Variants in KCNH5 observed in about 807,000 individuals in gnomAD.
KCNH5 encodes potassium voltage-gated channel subfamily H member 5.
In KCNH5, 46 loss-of-function variants were observed where a neutral mutation model predicts 96.1. The observed-to-expected ratio is 0.48, with a 90% confidence interval of 0.38 to 0.61. The LOEUF (loss-of-function observed/expected upper bound fraction) is 0.61. Ranked by LOEUF, KCNH5 falls within the 20% of genes least tolerant of loss-of-function variation. The pLI is 0.00. For synonymous variants in KCNH5, 439 were observed against 449.8 expected (o/e 0.98, Z 0.30); for missense variants, 907 against 1,225.8 (o/e 0.74, Z 3.88).
At chr14:63,001,113 T>A (rs1891002359) in intron 4 of KCNH5, among the ~76,000 whole-genome samples, 1 of 152,156 alleles carries the variant, frequency 6.6e-6, no homozygotes, top group East Asian at 1.9e-4. Flanking sequence ...AATTTCTTAC[T>A]CATGCTATAA....
chr14:62,999,171 A>G (rs1268127615), intron 4 of KCNH5, among the ~76,000 whole-genome samples: 1 of 152,056 alleles, frequency 6.6e-6, no homozygotes. Context: ...AAGTGTTCCT[A>G]TTTCTCCACA....
intron 7 of KCNH5, among the ~76,000 whole-genome samples, chr14:62,902,471 T>C (rs1314150775): frequency 6.6e-6 from 1 of 152,138 alleles, no homozygotes; most frequent in Non-Finnish European, 1.5e-5. Context: ...ATTATAATAG[T>C]AGTTTTTCTT....
At chr14:62,734,941 C>T (rs1478504330) in intron 10 of KCNH5, among the ~76,000 whole-genome samples, 1 of 151,972 alleles carries the variant, frequency 6.6e-6, no homozygotes, top group Non-Finnish European at 1.5e-5. Flanking sequence ...TGAAAAAATT[C>T]GTATTCTGAT....
intron 7 of KCNH5, among the ~76,000 whole-genome samples, chr14:62,887,645 C>G (rs1489844185): frequency 1.3e-5 from 2 of 151,936 alleles, no homozygotes; most frequent in African/African-American, 4.8e-5. Flanking sequence ...AAGCTGGGGT[C>G]AGAATATAGC....
chr14:63,028,413 G>C (rs367911271), intron 1 of KCNH5, among the ~76,000 whole-genome samples: 13 of 152,084 alleles, frequency 8.5e-5, no homozygotes, highest in African/African-American at 3.1e-4. Flanking sequence ...GCCTGATGTT[G>C]TACATGTTAT....
chr14:62,819,198 A>G lies in KCNH5; in HGVS notation c.1570-16617T>C, dbSNP rs1362386792. 3.3e-5 allele frequency among the ~76,000 whole-genome samples: 5 copies of G among 152,034 alleles called. No homozygotes were observed. The East Asian group carries it at 9.7e-4, about 29-fold the overall frequency. On this transcript the variant is annotated intron_variant, in intron 8 of 10. Transcript: ENST00000322893. ...TAGCCAGGATGGTCTCGATCTCCTG[A>G]TCTCGTGATCCGCCCACCTCAGCCT...
chr14:62,814,107 G>A (rs1473896407), intron 8 of KCNH5, among the ~76,000 whole-genome samples: 1 of 152,128 alleles, frequency 6.6e-6, no homozygotes, highest in Admixed American at 6.5e-5. Context: ...AGTATTATAG[G>A]TTAAACCTCA....
chr14:62,866,383 C>G lies in KCNH5; in HGVS notation c.1370-16531G>C, dbSNP rs115640953. Among the ~76,000 whole-genome samples, 309 of 152,270 alleles carry G rather than the reference C, an allele frequency of 2.0e-3. 2 individuals carry two copies. Among genetic ancestry groups the G allele is most frequent in the African/African-American group, 6.9e-3 (288 of 41,552 alleles). On this transcript the variant is annotated intron_variant, in intron 7 of 10. Transcript: ENST00000322893. The stretch of plus-strand genomic sequence containing the variant: ...TAAGACACATTACTGAATTTCTTCT[C>G]TTACTGTCTACCACATTACTAAGTT...
chr14:62,919,902 G>C (rs538614155), intron 7 of KCNH5, among the ~76,000 whole-genome samples: 1 of 152,032 alleles, frequency 6.6e-6, no homozygotes, highest in Non-Finnish European at 1.5e-5. Flanking sequence ...GAGAGAGAGA[G>C]GTCAGCGAAG....
In KCNH5 at chr14:62,944,633, A is replaced by G. The variant is rs578050666; in HGVS notation, c.1369+5500T>C. Reference sequence around the variant, plus strand: ...GAAAAAAATGATACTATATTTACAAAGAGCTACAATATCCAAATTTGGTTG... The same window carrying G: ...GAAAAAAATGATACTATATTTACAAGGAGCTACAATATCCAAATTTGGTTG... On this transcript the variant is annotated intron_variant, in intron 7 of 10. Coordinates refer to ENST00000322893, the MANE Select transcript of KCNH5 (RefSeq NM_139318.5). Among the ~76,000 whole-genome samples, 184 of 152,292 alleles carry G rather than the reference A, an allele frequency of 1.2e-3. 1 individual carries two copies. The highest frequency in any genetic ancestry group is 3.0e-3 in the Admixed American group (46 of 15,284).
chr14:62,948,651 T>G (rs1889939276), intron 7 of KCNH5, among the ~76,000 whole-genome samples: 1 of 150,824 alleles, frequency 6.6e-6, no homozygotes, highest in Non-Finnish European at 1.5e-5. Flanking sequence ...CCTCCCTAAC[T>G]AATTTTATGA....
In KCNH5 at chr14:62,703,948, C is replaced by G. The variant is rs1400412619; in HGVS notation, c.*3560G>C. 6.6e-6 allele frequency: 1 copy of G among 151,628 alleles called. No individual in the cohort carries two copies. The highest frequency in any genetic ancestry group is 6.6e-5 in the Admixed American group (1 of 15,236). The allele number at this position is 151,628 out of a possible 1,614,324, so 9.4% of individuals were successfully genotyped here. On this transcript the variant is annotated 3_prime_UTR_variant, in exon 11 of 11. Coordinates refer to ENST00000322893, the MANE Select transcript of KCNH5 (RefSeq NM_139318.5). Reference sequence around the variant, plus strand: ...TTCAAAACAGTCACTGCTCTGAAGGCTAATATTAAAAAAAATTCCAAATGA... The same window carrying G: ...TTCAAAACAGTCACTGCTCTGAAGGGTAATATTAAAAAAAATTCCAAATGA...
chr14:63,018,702 A>G (rs1238026408), intron 1 of KCNH5, among the ~76,000 whole-genome samples: 1 of 152,114 alleles, frequency 6.6e-6, no homozygotes, highest in Non-Finnish European at 1.5e-5. Context: ...CTTCATGATC[A>G]AGGTCATCCA....
intron 4 of KCNH5, among the ~76,000 whole-genome samples, chr14:62,989,366 AAAATCAATAGC>A (rs1478395731): frequency 2.6e-5 from 4 of 152,106 alleles, no homozygotes; most frequent in Non-Finnish European, 4.4e-5. Flanking sequence ...CAGCCTTATT[AAAATCAATAGC>A]AAATCAAATA....
chr14:62,928,961 T>C (rs1889528400), intron 7 of KCNH5, among the ~76,000 whole-genome samples: 1 of 152,038 alleles, frequency 6.6e-6, no homozygotes, highest in Non-Finnish European at 1.5e-5. Flanking sequence ...AATTCCAGAA[T>C]GTATGTGTCC....
intron 7 of KCNH5, among the ~76,000 whole-genome samples, chr14:62,865,115 C>T (rs1888108718): frequency 6.6e-6 from 1 of 152,110 alleles, no homozygotes; most frequent in South Asian, 2.1e-4. Flanking sequence ...TAAGGCCCAA[C>T]TTCAATTTCA....
intron 10 of KCNH5, among the ~76,000 whole-genome samples, chr14:62,771,175 A>G (rs1213131337): frequency 6.6e-6 from 1 of 152,196 alleles, no homozygotes; most frequent in Non-Finnish European, 1.5e-5. Flanking sequence ...TCTAACCTCC[A>G]GAACTGTGAG....
chr14:62,944,637 C>G (rs112685856), intron 7 of KCNH5, among the ~76,000 whole-genome samples: 27 of 152,240 alleles, frequency 1.8e-4, no homozygotes, highest in African/African-American at 6.5e-4. Flanking sequence ...TTACAAAGAG[C>G]TACAATATCC....
intron 10 of KCNH5, among the ~76,000 whole-genome samples, chr14:62,710,099 A>C (rs1884537040): frequency 6.6e-6 from 1 of 152,190 alleles, no homozygotes; most frequent in Non-Finnish European, 1.5e-5. Flanking sequence ...AGCTGCCTGG[A>C]GTAACATATA....
Sources: gnomAD v4.1 joint callset for allele counts (sites outside exome capture counted in the v4.1 genomes callset) on GRCh38, gnomAD v4.1.1 for gene constraint, MANE v1.5 for transcripts, NCBI Gene and HGNC (gene_info 2026-07-23, HGNC 2026-07-21) for gene names.